The following ETS1 variants were observed in gnomAD, a reference collection of about 807,000 sequenced individuals.
The protein encoded by ETS1 is ETS proto-oncogene 1, transcription factor.
In ETS1, 15 loss-of-function variants were observed where a neutral mutation model predicts 58.6. That is an observed-to-expected ratio of 0.26 (90% CI 0.17 to 0.39). The LOEUF is 0.39. ETS1 is among the 10% of genes least tolerant of loss of function. ETS1 has a pLI of 1.00. For synonymous variants in ETS1, 214 were observed against 218.2 expected (o/e 0.98, Z 0.17); for missense variants, 417 against 610.5 (o/e 0.68, Z 3.34).
chr11:128,467,875 C>T (rs954340811), intron 8 of ETS1, among the ~76,000 whole-genome samples: 4 of 151,978 alleles, frequency 2.6e-5, no homozygotes, highest in South Asian at 4.1e-4. Context: ...GCCATGCGGG[C>T]GGGAGAGCAC....
intron 8 of ETS1, among the ~76,000 whole-genome samples, chr11:128,466,711 G>GA (rs56362603): frequency 0.33 from 49,523 of 150,002 alleles, 9,481 homozygotes; most frequent in Admixed American, 0.51. Flanking sequence ...AGGAATGAAA[G>GA]AAAAAAAAAT....
intron 3 of ETS1, among the ~76,000 whole-genome samples, chr11:128,503,836 A>C: frequency 6.6e-6 from 1 of 152,182 alleles, no homozygotes; most frequent in East Asian, 1.9e-4. Context: ...ACATCAGAGA[A>C]GATGCAGAAA....
Position 128,486,104 on chromosome 11 carries a change from T to C in ETS1, c.578A>G (p.Tyr193Cys). 6.2e-7 allele frequency: 1 copy of C among 1,612,278 alleles called. No homozygotes were observed. The highest frequency in any genetic ancestry group is 8.5e-7 in the Non-Finnish European group (1 of 1,178,340). Residue 193 changes from tyrosine (Y) to cysteine (C), a missense_variant, in exon 6 of 10, where the codon TAT becomes TGT. Physicochemically the swap from Tyr to Cys is radical, Grantham distance 194. This residue lies in a region of ETS1 where 132 missense variants were observed against 212.1 expected (regional missense o/e 0.62). Transcript: ENST00000392668. ...PYQVNGVNPAYPESRYTSDYF... is the reference protein window; with the variant it reads ...PYQVNGVNPACPESRYTSDYF... Reference sequence around the variant, plus strand: ...ATCCGAGGTATAGCGGGATTCTGGATAGGCTGGGTTGACTCCATTAACTTG... The same window carrying C: ...ATCCGAGGTATAGCGGGATTCTGGACAGGCTGGGTTGACTCCATTAACTTG...
At chr11:128,583,024 A>C (rs1276409969) in intron 1 of ETS1, among the ~76,000 whole-genome samples, 1 of 152,064 alleles carries the variant, frequency 6.6e-6, no homozygotes, top group African/African-American at 2.4e-5. Flanking sequence ...TGTAATGTGC[A>C]TATGAATCAC....
chr11:128,487,370 A>AGGG (rs1862661593), intron 5 of ETS1, among the ~76,000 whole-genome samples: 1 of 152,184 alleles, frequency 6.6e-6, no homozygotes, highest in Non-Finnish European at 1.5e-5. Flanking sequence ...AACCAGTCTT[A>AGGG]GCGGCCAGAA....
rs551866580 is a variant in ETS1, at chr11:128,555,127, G to C, written c.214+1164C>G. Among the ~76,000 whole-genome samples the C allele has an allele frequency of 2.6e-5, 4 of 152,242 alleles. No homozygotes were observed. The East Asian group carries it at 7.7e-4, about 29-fold the overall frequency. ...TGAGTCAAGGGAACATGGGACACAG[G>C]AATCTATTTCATTCTGCCCTGGAGA... On this transcript the variant is annotated intron_variant, in intron 3 of 9. Coordinates refer to ENST00000392668, the MANE Select transcript of ETS1 (RefSeq NM_001143820.2).
At chr11:128,584,575 G>A (rs1347184798) in intron 1 of ETS1, among the ~76,000 whole-genome samples, 3 of 152,188 alleles carry the variant, frequency 2.0e-5, no homozygotes, top group Non-Finnish European at 4.4e-5. Flanking sequence ...AAACGTTAGG[G>A]CTGAGTATTC....
Position 128,458,828 on chromosome 11 carries a change from C to A in ETS1, c.*3533G>T, listed in dbSNP as rs535949671. ...TAAAATACAATATGAAATCAGGCTACAGTATATAAAAAACTCTCCAGCAAA... is the reference window on the plus strand; with the variant it reads ...TAAAATACAATATGAAATCAGGCTAAAGTATATAAAAAACTCTCCAGCAAA... On this transcript the variant is annotated 3_prime_UTR_variant, in exon 10 of 10. Coordinates refer to ENST00000392668, the MANE Select transcript of ETS1 (RefSeq NM_001143820.2). This position sits in a 1 kb window ranked among gnomAD's most constrained non-coding sequence, Gnocchi z 4.3. 6.5e-6 allele frequency: 1 copy of A among 152,786 alleles called. No individual in the cohort carries two copies. Among genetic ancestry groups the A allele is most frequent in the Non-Finnish European group, 1.5e-5 (1 of 67,996 alleles). The allele number at this position is 152,786 out of a possible 1,614,324, so 9.5% of individuals were successfully genotyped here. A position where few individuals can be genotyped will look rare whatever the true frequency, so the allele number is the denominator to read the frequency against.
At chr11:128,466,591 T>C (rs10893874) in intron 8 of ETS1, among the ~76,000 whole-genome samples, 103,190 of 152,070 alleles carry the variant, frequency 0.68, 36,757 homozygotes, top group Non-Finnish European at 0.79. Context: ...GTAGATGCCC[T>C]GCCCTGCCCT....
In ETS1 at chr11:128,484,934, AG is replaced by A; in HGVS notation, c.750del (p.Ser251ArgfsTer49). The A allele has an allele frequency of 6.2e-7, 1 of 1,613,826 alleles. No individual in the cohort carries two copies. Among genetic ancestry groups the A allele is most frequent in the Non-Finnish European group, 8.5e-7 (1 of 1,179,826 alleles). On this transcript the variant is annotated frameshift_variant, in exon 7 of 10. Coordinates refer to ENST00000392668, the MANE Select transcript of ETS1 (RefSeq NM_001143820.2). LOFTEE classifies it high-confidence loss of function. ...LLSLKYENDY[P>X]SVILRDPLQT... The stretch of plus-strand genomic sequence containing the variant: ...TGGAGAGGGTCTCGGAGAATGACCG[AG>A]GGGTAGTCATTCTCATACTTGAGGG...
rs865964382 is a variant in ETS1, at chr11:128,484,937, G to C, written c.748C>G (p.Pro250Ala). The C allele has an allele frequency of 1.2e-6, 2 of 1,613,844 alleles. No individual in the cohort carries two copies. The highest frequency in any genetic ancestry group is 3.3e-4 in the Middle Eastern group (2 of 6,060). The change falls in exon 7 of 10, where the codon CCC (proline) becomes GCC (alanine). Residue 250 changes from proline to alanine, a missense_variant. Transcript: ENST00000392668. ...LLSLKYENDY[P>A]SVILRDPLQT... ...AGAGGGTCTCGGAGAATGACCGAGG[G>C]GTAGTCATTCTCATACTTGAGGGAG...
intron 1 of ETS1, among the ~76,000 whole-genome samples, chr11:128,586,198 G>A (rs1865028322): frequency 6.6e-6 from 1 of 152,256 alleles, no homozygotes; most frequent in Non-Finnish European, 1.5e-5. Context: ...AAGGATGGAA[G>A]TAGTTGATTT....
intron 3 of ETS1, among the ~76,000 whole-genome samples, chr11:128,520,769 C>T (rs1181627135): frequency 2.6e-5 from 4 of 152,120 alleles, no homozygotes; most frequent in Non-Finnish European, 5.9e-5. Flanking sequence ...TCTGAAGGAC[C>T]TCAGAATGAC....
At chr11:128,476,814 G>T (rs558875247) in intron 8 of ETS1, among the ~76,000 whole-genome samples, 80 of 152,352 alleles carry the variant, frequency 5.3e-4, no homozygotes, top group Non-Finnish European at 7.6e-4. Flanking sequence ...ACCGTAAACA[G>T]TTCACAGTAA....
intron 3 of ETS1, chr11:128,526,825 G>C: frequency 2.3e-6 from 1 of 427,370 alleles, no homozygotes; most frequent in South Asian, 1.7e-5. Context: ...TCTTGGATTT[G>C]TCACATGTTA....
intron 2 of ETS1, among the ~76,000 whole-genome samples, chr11:128,570,442 A>G (rs1864603536): frequency 6.6e-6 from 1 of 151,754 alleles, no homozygotes; most frequent in Non-Finnish European, 1.5e-5. Flanking sequence ...GGGTTTCATC[A>G]TGTTGGCCAG....
intron 3 of ETS1, among the ~76,000 whole-genome samples, chr11:128,510,947 A>C (rs1337458282): frequency 1.3e-5 from 2 of 152,230 alleles, no homozygotes; most frequent in Non-Finnish European, 1.5e-5. Context: ...ATTGTTTTAG[A>C]GAGATAATCT....
intron 3 of ETS1, among the ~76,000 whole-genome samples, chr11:128,510,833 C>G (rs1346870127): frequency 1.3e-5 from 2 of 152,164 alleles, no homozygotes; most frequent in African/African-American, 4.8e-5. Context: ...AGAATACTTC[C>G]CAGATGGAAA....
At chr11:128,579,387 C>T (rs1864816538) in intron 1 of ETS1, among the ~76,000 whole-genome samples, 1 of 152,120 alleles carries the variant, frequency 6.6e-6, no homozygotes, top group African/African-American at 2.4e-5. Context: ...CAGGGCTGGG[C>T]TCGGTGGCTC....
Sources: allele counts gnomAD v4.1 joint callset (sites outside exome capture counted in the v4.1 genomes callset), GRCh38; gene constraint gnomAD v4.1.1; regional missense constraint gnomAD v4.1.1; non-coding constraint Gnocchi (gnomAD v3.1); transcripts MANE v1.5; gene names NCBI Gene and HGNC (gene_info 2026-07-23, HGNC 2026-07-21).